Variants in SPAST observed in about 807,000 individuals in gnomAD.
SPAST encodes the protein spastin.
A neutral mutation model predicts 76.6 loss-of-function variants in SPAST; 30 were observed. That is an observed-to-expected ratio of 0.39 (90% CI 0.29 to 0.53). SPAST has a LOEUF of 0.53. Ranked by LOEUF, SPAST falls within the 20% of genes least tolerant of loss-of-function variation. SPAST has a pLI of 0.68. For missense variants in SPAST, 717 were observed against 770.5 expected (o/e 0.93, Z 0.82); for synonymous variants, 305 against 281.0 (o/e 1.09, Z -0.86).
Position 32,065,817 on chromosome 2 carries a change from G to C in SPAST, c.415+1571G>C, listed in dbSNP as rs1676486368. Among the ~76,000 whole-genome samples the C allele has an allele frequency of 3.9e-5, 6 of 152,138 alleles. No individual in the cohort carries two copies. In the South Asian group the frequency reaches 1.2e-3, roughly 32 times the overall value. ...TTGTTGAAACCTGTTTCCTTTGTGG[G>C]GCCTGGGAGTGGGAAGTGGGATATA... On this transcript the variant is annotated intron_variant, in intron 1 of 16. Coordinates refer to ENST00000315285, the MANE Select transcript of SPAST (RefSeq NM_014946.4).
At chr2:32,089,420 A>G (rs1467154725) in intron 2 of SPAST, 102 bp from the exon 3 acceptor site, 2 of 694,424 alleles carry the variant, frequency 2.9e-6, no homozygotes, top group Non-Finnish European at 5.1e-6. Context: ...AAATTTCTGT[A>G]TAAAGACTGT....
At position 32,111,366 on chromosome 2, in the gene SPAST, G is replaced by GTA. The variant is rs554628608; in HGVS notation, c.683-3265_683-3264dup. Among the ~76,000 whole-genome samples, 154 of 144,310 alleles carry GTA rather than the reference G, an allele frequency of 1.1e-3. 8 individuals are homozygous for GTA. Among genetic ancestry groups the GTA allele is most frequent in the Non-Finnish European group, 1.5e-3 (102 of 66,186 alleles). The allele number at this position is 144,310 out of a possible 152,430, so 94.7% of individuals were successfully genotyped here. The stretch of plus-strand genomic sequence containing the variant: ...CAGTATACTGTATAGTGTGTATAGC[G>GTA]TATATATAGTATACTGTATAGCGTA... On this transcript the variant is annotated intron_variant, in intron 4 of 16. Coordinates refer to ENST00000315285, the MANE Select transcript of SPAST (RefSeq NM_014946.4).
At chr2:32,122,953 C>G (rs1679066254) in intron 7 of SPAST, among the ~76,000 whole-genome samples, 1 of 151,986 alleles carries the variant, frequency 6.6e-6, no homozygotes, top group South Asian at 2.1e-4. Flanking sequence ...CAGTGAACAA[C>G]TGGAATTTGA....
intron 4 of SPAST, among the ~76,000 whole-genome samples, chr2:32,110,410 G>A (rs1327675323): frequency 7.5e-5 from 11 of 147,114 alleles, no homozygotes; most frequent in Middle Eastern, 3.6e-3. Context: ...GAGCCACCGC[G>A]CCTGGTCCCT....
At chr2:32,117,043 G>A (rs542862729) in intron 7 of SPAST, among the ~76,000 whole-genome samples, 38 of 152,042 alleles carry the variant, frequency 2.5e-4, no homozygotes, top group African/African-American at 3.1e-4. Flanking sequence ...GGCAGATCAC[G>A]AGGTCAAGAG....
chr2:32,100,320 C>CT (rs77790719), intron 4 of SPAST, among the ~76,000 whole-genome samples: 1,872 of 128,022 alleles, frequency 0.015, 29 homozygotes, highest in South Asian at 0.031. Context: ...TTATTGGTTA[C>CT]TTTTTTTTTT....
chr2:32,121,208 A>T (rs1226924269), intron 7 of SPAST, among the ~76,000 whole-genome samples: 4 of 152,142 alleles, frequency 2.6e-5, no homozygotes, highest in Non-Finnish European at 4.4e-5. Flanking sequence ...GCTAGAGTGC[A>T]GTGGTGCAAC....
intron 3 of SPAST, among the ~76,000 whole-genome samples, chr2:32,090,176 C>G (rs1359075889): frequency 6.6e-6 from 1 of 152,228 alleles, no homozygotes; most frequent in African/African-American, 2.4e-5. Context: ...TGGGCCAACC[C>G]AGCTCACTGC....
At chr2:32,078,103 G>A (rs567725215) in intron 1 of SPAST, among the ~76,000 whole-genome samples, 1 of 151,614 alleles carries the variant, frequency 6.6e-6, no homozygotes, top group African/African-American at 2.4e-5. Context: ...CCATTCTCCT[G>A]CCTCAGCCTC....
At chr2:32,097,891 G>A (rs1677981029) in intron 3 of SPAST, among the ~76,000 whole-genome samples, 2 of 151,700 alleles carry the variant, frequency 1.3e-5, no homozygotes, top group Non-Finnish European at 2.9e-5. Context: ...GTAGAGACAG[G>A]GTTTCACTGT....
At chr2:32,143,314 A>G (rs1374242216) in intron 13 of SPAST, 22 bp from the exon 14 acceptor site, 1 of 1,319,364 alleles carries the variant, frequency 7.6e-7, no homozygotes, top group East Asian at 2.3e-5. Context: ...AGACTGAATG[A>G]TCATTTTTTA....
intron 1 of SPAST, among the ~76,000 whole-genome samples, chr2:32,064,974 T>G (rs924905671): frequency 6.6e-6 from 1 of 152,156 alleles, no homozygotes; most frequent in Non-Finnish European, 1.5e-5. Flanking sequence ...TATGTATGTT[T>G]CTGAATGAAA....
At chr2:32,071,355 A>G (rs1338399190) in intron 1 of SPAST, among the ~76,000 whole-genome samples, 1 of 152,218 alleles carries the variant, frequency 6.6e-6, no homozygotes. Context: ...TCAGGCATTG[A>G]AGACAGAAAT....
intron 1 of SPAST, among the ~76,000 whole-genome samples, chr2:32,084,656 C>T (rs1202078966): frequency 1.3e-5 from 2 of 151,468 alleles, no homozygotes; most frequent in South Asian, 2.1e-4. Context: ...GAGGCTGAGG[C>T]GGGCGGATCA....
At chr2:32,096,646 A>G (rs1364789743) in intron 3 of SPAST, among the ~76,000 whole-genome samples, 1 of 152,212 alleles carries the variant, frequency 6.6e-6, no homozygotes, top group Admixed American at 6.5e-5. Flanking sequence ...ATTCCTAGCT[A>G]TAAAAACTAA....
chr2:32,082,651 G>A (rs757812895), intron 1 of SPAST, among the ~76,000 whole-genome samples: 3 of 151,732 alleles, frequency 2.0e-5, no homozygotes, highest in Non-Finnish European at 2.9e-5. Flanking sequence ...AGCTGAGATC[G>A]TGCCATTGTA....
intron 1 of SPAST, among the ~76,000 whole-genome samples, chr2:32,074,077 A>G (rs1676856732): frequency 1.3e-5 from 2 of 152,182 alleles, no homozygotes; most frequent in Admixed American, 1.3e-4. Flanking sequence ...GTCATAGTAA[A>G]GGGTGTTAGG....
chr2:32,122,182 T>G (rs1037795074), intron 7 of SPAST, among the ~76,000 whole-genome samples: 5 of 152,178 alleles, frequency 3.3e-5, no homozygotes, highest in Non-Finnish European at 5.9e-5. Context: ...TCTGGGGTTA[T>G]TTGGCTTCTC....
At chr2:32,120,398 A>G (rs1678978603) in intron 7 of SPAST, among the ~76,000 whole-genome samples, 1 of 152,044 alleles carries the variant, frequency 6.6e-6, no homozygotes, top group Admixed American at 6.6e-5. Flanking sequence ...AATATTATTC[A>G]TTACCAAGCC....
Sources: gnomAD v4.1 joint callset for allele counts (sites outside exome capture counted in the v4.1 genomes callset) on GRCh38, gnomAD v4.1.1 for gene constraint, MANE v1.5 for transcripts, NCBI Gene and HGNC (gene_info 2026-07-23, HGNC 2026-07-21) for gene names.